SYT9: variants seen among roughly 807,000 people sequenced by gnomAD.
SYT9 encodes the protein synaptotagmin 9.
A neutral mutation model predicts 48.4 loss-of-function variants in SYT9; 22 were observed. The observed-to-expected ratio is 0.45, with a 90% confidence interval of 0.32 to 0.65. The LOEUF (loss-of-function observed/expected upper bound fraction) is 0.65, where lower values mean the gene tolerates loss of function less well. SYT9 is among the 30% of genes least tolerant of loss of function. The probability of loss-of-function intolerance (pLI) is 0.03; values close to 1 mark genes in which losing one functional copy is unlikely to be tolerated. For synonymous variants in SYT9, 265 were observed against 245.0 expected, an observed-to-expected ratio of 1.08 and a Z score of -0.76; for missense variants, 577 against 622.0, an observed-to-expected ratio of 0.93 and a Z score of 0.77.
intron 6 of SYT9, among the ~76,000 whole-genome samples, chr11:7,433,838 T>G (rs1265349226): frequency 1.3e-5 from 2 of 152,192 alleles, no homozygotes; most frequent in Non-Finnish European, 2.9e-5. Flanking sequence ...CATTTATAAA[T>G]TATCCAATCT....
intron 6 of SYT9, among the ~76,000 whole-genome samples, chr11:7,454,631 G>A (rs540227451): frequency 1.3e-5 from 2 of 152,262 alleles, no homozygotes; most frequent in South Asian, 4.2e-4. Context: ...AACTGCCTAC[G>A]GGGAACACAT....
intron 1 of SYT9, among the ~76,000 whole-genome samples, chr11:7,277,063 AAAAC>A (rs139673466): frequency 0.27 from 40,953 of 151,420 alleles, 5,893 homozygotes; most frequent in South Asian, 0.41. Context: ...CAAAAAACAA[AAAAC>A]AAACAAACAA....
chr11:7,270,870 CACAT>C (rs1193613253), intron 1 of SYT9, among the ~76,000 whole-genome samples: 26 of 143,506 alleles, frequency 1.8e-4, no homozygotes, highest in African/African-American at 6.0e-4. Flanking sequence ...CACACACACA[CACAT>C]AATGTGGAGA....
At chr11:7,380,247 A>G (rs1850536180) in intron 3 of SYT9, among the ~76,000 whole-genome samples, 1 of 152,054 alleles carries the variant, frequency 6.6e-6, no homozygotes, top group South Asian at 2.1e-4. Context: ...AAAATACTTG[A>G]ACTCATGGAG....
exon 1 of SYT9, chr11:7,238,876 G>T (rs558502918): frequency 3.3e-5 from 15 of 455,962 alleles, no homozygotes; most frequent in African/African-American, 2.4e-4. Context: ...AAATGCTGGC[G>T]AAGGTGGTGG....
intron 6 of SYT9, chr11:7,440,342 A>C (rs1246288759): frequency 6.6e-6 from 1 of 152,228 alleles, no homozygotes; most frequent in African/African-American, 2.4e-5. Flanking sequence ...TCACCCTTAC[A>C]AGAAGAGAAG....
intron 3 of SYT9, among the ~76,000 whole-genome samples, chr11:7,345,434 T>C (rs762221975): frequency 1.3e-5 from 2 of 152,242 alleles, no homozygotes; most frequent in Non-Finnish European, 2.9e-5. Context: ...GAGAGTAAAT[T>C]CATTTCCTGC....
intron 3 of SYT9, among the ~76,000 whole-genome samples, chr11:7,362,113 C>T (rs887306940): frequency 1.0e-4 from 15 of 150,566 alleles, no homozygotes; most frequent in African/African-American, 3.4e-4. Flanking sequence ...TTTTCTTTTT[C>T]TTTCTTTCTT....
intron 3 of SYT9, among the ~76,000 whole-genome samples, chr11:7,362,142 A>ATTTTTTTTT (rs59675647): frequency 1.4e-5 from 2 of 138,266 alleles, no homozygotes; most frequent in African/African-American, 2.7e-5. Context: ...ATTTTATTTT[A>ATTTTTTTTT]TTTTTTTTTT....
At chr11:7,356,527 A>G (rs1850025456) in intron 3 of SYT9, among the ~76,000 whole-genome samples, 1 of 152,088 alleles carries the variant, frequency 6.6e-6, no homozygotes, top group East Asian at 1.9e-4. Context: ...GAAGGAGGAG[A>G]AGACACCCTG....
At chr11:7,256,219 A>G (rs1319161891) in intron 1 of SYT9, among the ~76,000 whole-genome samples, 2 of 152,208 alleles carry the variant, frequency 1.3e-5, no homozygotes, top group African/African-American at 4.8e-5. Context: ...GGTGCCAACC[A>G]TGTCTGTGCC....
At chr11:7,422,292 A>C (rs1369949307) in intron 6 of SYT9, among the ~76,000 whole-genome samples, 1 of 152,182 alleles carries the variant, frequency 6.6e-6, no homozygotes, top group African/African-American at 2.4e-5. Flanking sequence ...TATGGATTCT[A>C]ACCATCAGGG....
At chr11:7,401,843 T>C (rs2134075616) in intron 3 of SYT9, among the ~76,000 whole-genome samples, 1 of 151,894 alleles carries the variant, frequency 6.6e-6, no homozygotes, top group East Asian at 1.9e-4. Flanking sequence ...GTTTTATTGG[T>C]TTTGCCCTTT....
At chr11:7,347,050 G>T (rs1429645854) in intron 3 of SYT9, among the ~76,000 whole-genome samples, 1 of 152,156 alleles carries the variant, frequency 6.6e-6, no homozygotes, top group Non-Finnish European at 1.5e-5. Context: ...GTCCATGTTT[G>T]CTGAGATCAG....
At chr11:7,325,054 T>C (rs1186041988) in intron 3 of SYT9, among the ~76,000 whole-genome samples, 1 of 152,186 alleles carries the variant, frequency 6.6e-6, no homozygotes, top group Non-Finnish European at 1.5e-5. Context: ...ATTTTGTTAT[T>C]ATTTAGTGTC....
intron 3 of SYT9, among the ~76,000 whole-genome samples, chr11:7,339,851 C>A (rs114345681): frequency 6.6e-6 from 1 of 152,058 alleles, no homozygotes; most frequent in African/African-American, 2.4e-5. Flanking sequence ...GATCTTCTTG[C>A]GTAGAATCTT....
At chr11:7,429,881 A>G (rs1847533427) in intron 6 of SYT9, among the ~76,000 whole-genome samples, 1 of 152,254 alleles carries the variant, frequency 6.6e-6, no homozygotes. Flanking sequence ...ATATAAGGTT[A>G]AGAAAAAAAC....
intron 3 of SYT9, among the ~76,000 whole-genome samples, chr11:7,383,941 G>C (rs576150179): frequency 1.3e-5 from 2 of 152,054 alleles, no homozygotes; most frequent in South Asian, 4.2e-4. Context: ...CAGCTACTTT[G>C]TTTCTTTTTA....
intron 3 of SYT9, among the ~76,000 whole-genome samples, chr11:7,368,820 A>C (rs1850299423): frequency 6.6e-6 from 1 of 152,184 alleles, no homozygotes. Context: ...TGCTGCAATG[A>C]ACATACGTGT....
Sources: allele counts gnomAD v4.1 joint callset (sites outside exome capture counted in the v4.1 genomes callset), GRCh38; gene constraint gnomAD v4.1.1; transcripts MANE v1.5; gene names NCBI Gene and HGNC (gene_info 2026-07-23, HGNC 2026-07-21).